FAM178B: variants seen among roughly 807,000 people sequenced by gnomAD.
FAM178B encodes the protein protein FAM178B.
Under a neutral mutation model 91.7 loss-of-function variants are expected in FAM178B, and 82 were observed. The ratio of observed to expected loss-of-function variants is 0.89; its 90% confidence interval spans 0.75 to 1.07. FAM178B has a LOEUF of 1.07. FAM178B is among the 50% of genes least tolerant of loss of function. The pLI is 0.00. For synonymous variants in FAM178B, 368 were observed against 359.4 expected (o/e 1.02, Z -0.27); for missense variants, 769 against 846.7 (o/e 0.91, Z 1.14).
intron 12 of FAM178B, among the ~76,000 whole-genome samples, chr2:96,917,016 G>A (rs1436798209): frequency 1.3e-5 from 2 of 152,054 alleles, no homozygotes; most frequent in Non-Finnish European, 2.9e-5. Context: ...AACGCGGCAG[G>A]AAAAAAGAAT....
In FAM178B at chr2:96,977,338, T is replaced by C. The variant is rs374797916; in HGVS notation, c.74-4732A>G. Among the ~76,000 whole-genome samples the C allele has an allele frequency of 1.8e-4, 23 of 126,144 alleles. 1 individual carries two copies. The East Asian group carries it at 4.8e-3, about 26-fold the overall frequency. The allele number at this position is 126,144 out of a possible 152,430, so 82.8% of individuals were successfully genotyped here. On this transcript the variant is annotated intron_variant, in intron 1 of 16. Transcript: ENST00000490605. ...AGGTGGAGGTTGCAGTGAGCCGAGA[T>C]CACACCACTGCACTCTGGCCTGGGC...
At position 96,960,355 on chromosome 2, in the gene FAM178B, G is replaced by A. The variant is rs1278373414; in HGVS notation, c.820C>T (p.Pro274Ser). 6.4e-7 allele frequency: 1 copy of A among 1,551,806 alleles called. No individual in the cohort carries two copies. Among genetic ancestry groups the A allele is most frequent in the Non-Finnish European group, 8.7e-7 (1 of 1,147,014 alleles). Residue 274 changes from proline to serine, a missense_variant, in exon 6 of 17, where the codon CCC becomes TCC. By Grantham distance (74) the Pro-to-Ser change is moderately conservative (BLOSUM62 -1). Coordinates refer to ENST00000490605, the MANE Select transcript of FAM178B (RefSeq NM_001122646.3). ...GAGGAGTCCAGGATGCATGGCAGGGGGTGACACCTGGGCAGAAACACAGTC... is the reference window on the plus strand; with the variant it reads ...GAGGAGTCCAGGATGCATGGCAGGGAGTGACACCTGGGCAGAAACACAGTC... ...GETVFLPRCH[P>S]LPCILDSSLL...
chr2:96,876,338 G>GGCCT (rs2080241131), intron 16 of FAM178B, 30 bp from the exon 17 acceptor site: 1 of 1,584,612 alleles, frequency 6.3e-7, no homozygotes, highest in Non-Finnish European at 8.6e-7. Flanking sequence ...AGGCTGTGAG[G>GGCCT]GCCTGGGCCC....
intron 16 of FAM178B, chr2:96,877,654 CA>C (rs1381016602): frequency 3.8e-6 from 2 of 521,338 alleles, no homozygotes; most frequent in Non-Finnish European, 6.9e-6. Flanking sequence ...CTCAGTCTCC[CA>C]AAGTGCTGGG....
chr2:96,876,345 G>A (rs2080241405), intron 16 of FAM178B, 37 bp from the exon 17 acceptor site: 3 of 1,577,852 alleles, frequency 1.9e-6, no homozygotes, highest in Non-Finnish European at 2.6e-6. Context: ...GAGGGCCTGG[G>A]CCCAGGTGCT....
At chr2:96,979,449 G>A (rs1294717079) in intron 1 of FAM178B, among the ~76,000 whole-genome samples, 2 of 151,832 alleles carry the variant, frequency 1.3e-5, no homozygotes, top group African/African-American at 2.4e-5. Context: ...TAATCTGCCC[G>A]CCTTAGCCTT....
chr2:96,878,392 A>G (rs1309589816), intron 15 of FAM178B, 24 bp downstream of exon 15: 1 of 1,609,298 alleles, frequency 6.2e-7, no homozygotes, highest in East Asian at 2.2e-5. Flanking sequence ...CCCCCACCAC[A>G]GCCCTGCCCC....
intron 5 of FAM178B, among the ~76,000 whole-genome samples, chr2:96,961,625 T>G (rs1311820560): frequency 1.3e-5 from 2 of 152,208 alleles, no homozygotes; most frequent in Non-Finnish European, 2.9e-5. Context: ...GCCCATTCCC[T>G]GGTTTCCGGC....
At chr2:96,876,428 A>G in intron 16 of FAM178B, 120 bp from the exon 17 acceptor site, 3 of 1,260,628 alleles carry the variant, frequency 2.4e-6, no homozygotes, top group Non-Finnish European at 3.3e-6. Flanking sequence ...CCAGGGGCCG[A>G]GTGAGCAGGA....
intron 13 of FAM178B, among the ~76,000 whole-genome samples, chr2:96,902,107 CA>C (rs1174677866): frequency 2.5e-5 from 3 of 121,766 alleles, no homozygotes; most frequent in African/African-American, 1.2e-4. Flanking sequence ...GCTTTTACTA[CA>C]ATTTTTTTTT....
At chr2:96,927,158 C>T (rs1035802333) in intron 9 of FAM178B, among the ~76,000 whole-genome samples, 1 of 152,184 alleles carries the variant, frequency 6.6e-6, no homozygotes, top group African/African-American at 2.4e-5. Flanking sequence ...TGATGCTTCC[C>T]GAATACTCCG....
chr2:96,910,294 T>C (rs567603060), intron 12 of FAM178B, among the ~76,000 whole-genome samples: 3 of 152,210 alleles, frequency 2.0e-5, no homozygotes, highest in African/African-American at 7.2e-5. Context: ...CGGCCCCAAC[T>C]TCATGTCTCC....
In FAM178B at chr2:96,878,564, C is replaced by T; in HGVS notation, c.1777-71G>A. Reference sequence around the variant, plus strand: ...GGCAGCATGGCGTGCCCTCCACCTGCACACTCCCCACTCTCAGGCTTGGCA... The same window carrying T: ...GGCAGCATGGCGTGCCCTCCACCTGTACACTCCCCACTCTCAGGCTTGGCA... On this transcript the variant is annotated intron_variant, in intron 14 of 16. Coordinates refer to ENST00000490605, the MANE Select transcript of FAM178B (RefSeq NM_001122646.3). 4.3e-6 allele frequency: 6 copies of T among 1,388,722 alleles called. No homozygotes were observed. The South Asian group carries it at 7.1e-5, about 16-fold the overall frequency. The allele number at this position is 1,388,722 out of a possible 1,614,324, so 86.0% of individuals were successfully genotyped here.
intron 12 of FAM178B, among the ~76,000 whole-genome samples, chr2:96,914,340 C>G (rs1022154745): frequency 6.6e-6 from 1 of 152,156 alleles, no homozygotes. Flanking sequence ...CTCCTACCAA[C>G]GTGCGGGCAT....
At chr2:96,961,491 T>G (rs1358195582) in intron 5 of FAM178B, among the ~76,000 whole-genome samples, 1 of 152,142 alleles carries the variant, frequency 6.6e-6, no homozygotes, top group East Asian at 1.9e-4. Context: ...GAGGGCAACT[T>G]CCTCTTTACT....
At chr2:96,980,154 C>A (rs1041704338) in intron 1 of FAM178B, among the ~76,000 whole-genome samples, 4 of 149,842 alleles carry the variant, frequency 2.7e-5, no homozygotes, top group Non-Finnish European at 5.9e-5. Flanking sequence ...TGGCTCACTG[C>A]AACCTCCGCC....
At chr2:96,968,141 G>A (rs767752783) in intron 4 of FAM178B, among the ~76,000 whole-genome samples, 25 of 151,568 alleles carry the variant, frequency 1.6e-4, no homozygotes, top group Non-Finnish European at 3.1e-4. Context: ...CCTCAGCCAC[G>A]TGACCAGGAA....
intron 1 of FAM178B, among the ~76,000 whole-genome samples, chr2:96,975,031 C>T (rs1246707029): frequency 3.1e-5 from 4 of 130,368 alleles, no homozygotes; most frequent in African/African-American, 1.2e-4. Flanking sequence ...GCGGAGGTTG[C>T]AGTAAGCCTA....
chr2:96,955,747 G>A (rs999724090), intron 6 of FAM178B, among the ~76,000 whole-genome samples: 1 of 152,176 alleles, frequency 6.6e-6, no homozygotes, highest in Non-Finnish European at 1.5e-5. Context: ...TAATGGCCCT[G>A]CTTGCTACCT....
Sources: gnomAD v4.1 joint callset for allele counts (sites outside exome capture counted in the v4.1 genomes callset) on GRCh38, gnomAD v4.1.1 for gene constraint, MANE v1.5 for transcripts, NCBI Gene and HGNC (gene_info 2026-07-23, HGNC 2026-07-21) for gene names.